PPM1L: variants seen among roughly 807,000 people sequenced by gnomAD.
PPM1L encodes the protein protein phosphatase 1L.
In PPM1L, 13 loss-of-function variants were observed where a neutral mutation model predicts 31.4. That is an observed-to-expected ratio of 0.41 (90% CI 0.27 to 0.66). The LOEUF is 0.66. PPM1L is among the 30% of genes least tolerant of loss of function. The pLI is 0.29. For synonymous variants in PPM1L, 184 were observed against 175.4 expected (o/e 1.05, Z -0.39); for missense variants, 326 against 453.7 (o/e 0.72, Z 2.56).
intron 1 of PPM1L, among the ~76,000 whole-genome samples, chr3:160,881,372 G>A (rs1453338759): frequency 5.3e-5 from 8 of 152,274 alleles, no homozygotes; most frequent in Non-Finnish European, 8.8e-5. Flanking sequence ...TGTATTGTCA[G>A]TTTCTGGAAA....
chr3:160,770,245 T>C (rs953176261), intron 1 of PPM1L, among the ~76,000 whole-genome samples: 4 of 152,226 alleles, frequency 2.6e-5, no homozygotes, highest in Admixed American at 1.3e-4. Context: ...TTTTTTGTTT[T>C]TGTTTTCTGC....
At chr3:160,884,825 T>G (rs1209603411) in intron 1 of PPM1L, among the ~76,000 whole-genome samples, 2 of 152,224 alleles carry the variant, frequency 1.3e-5, no homozygotes, top group Non-Finnish European at 2.9e-5. Context: ...ATTTCTTTAC[T>G]CATAAACTTC....
At chr3:161,034,197 T>A (rs979641785) in intron 2 of PPM1L, among the ~76,000 whole-genome samples, 6 of 152,170 alleles carry the variant, frequency 3.9e-5, no homozygotes, top group African/African-American at 9.7e-5. Flanking sequence ...AAACAACAGA[T>A]GCTGGAGAGG....
intron 1 of PPM1L, among the ~76,000 whole-genome samples, chr3:160,843,478 T>A (rs1328298655): frequency 3.3e-4 from 38 of 113,562 alleles, no homozygotes; most frequent in East Asian, 6.2e-4. Flanking sequence ...ATGTTTTTTT[T>A]AATTGTACTT....
At chr3:161,065,174 A>T (rs553968671) in intron 2 of PPM1L, among the ~76,000 whole-genome samples, 6 of 152,276 alleles carry the variant, frequency 3.9e-5, no homozygotes, top group Non-Finnish European at 7.4e-5. Flanking sequence ...GGAAAATTAT[A>T]ATGTTATCCT....
intron 2 of PPM1L, among the ~76,000 whole-genome samples, chr3:160,998,602 G>A (rs1717395567): frequency 6.6e-6 from 1 of 152,072 alleles, no homozygotes; most frequent in Non-Finnish European, 1.5e-5. Flanking sequence ...AAGATGTCTA[G>A]GGAGACTTGG....
chr3:161,042,952 G>T (rs1056307266), intron 2 of PPM1L, among the ~76,000 whole-genome samples: 5 of 151,420 alleles, frequency 3.3e-5, no homozygotes, highest in African/African-American at 1.2e-4. Flanking sequence ...CTGAGGACAC[G>T]GAGGTTGCAG....
intron 1 of PPM1L, among the ~76,000 whole-genome samples, chr3:160,794,281 G>A (rs1474947031): frequency 6.6e-6 from 1 of 152,120 alleles, no homozygotes. Flanking sequence ...CCTACTTAAA[G>A]ATGATCACTA....
At chr3:160,826,300 C>G (rs569228794) in intron 1 of PPM1L, among the ~76,000 whole-genome samples, 4 of 152,220 alleles carry the variant, frequency 2.6e-5, no homozygotes, top group Admixed American at 2.6e-4. Flanking sequence ...AGTTTGGGCT[C>G]TAATATGGAA....
intron 2 of PPM1L, among the ~76,000 whole-genome samples, chr3:160,994,331 AGTGGCAGC>A (rs1322347742): frequency 6.6e-6 from 1 of 152,190 alleles, no homozygotes. Context: ...TGCATGGCCC[AGTGGCAGC>A]AGGCTGGGCA....
At position 161,019,068 on chromosome 3, in the gene PPM1L, C is replaced by T. The variant is rs114203756; in HGVS notation, c.575-46335C>T. 7.7e-3 allele frequency among the ~76,000 whole-genome samples: 1,180 copies of T among 152,284 alleles called. 10 individuals are homozygous for T. The highest frequency in any genetic ancestry group is 0.015 in the Admixed American group (226 of 15,302). On this transcript the variant is annotated intron_variant, in intron 2 of 3. Coordinates refer to ENST00000498165, the MANE Select transcript of PPM1L (RefSeq NM_139245.4). ...TATCCACAGAAACCACTTCGGGAAA[C>T]ATTGAACTAGAGGATAAGATTATTT... is the stretch of plus-strand genomic sequence containing the variant.
chr3:160,905,584 T>C (rs887060189), intron 1 of PPM1L, among the ~76,000 whole-genome samples: 21 of 152,210 alleles, frequency 1.4e-4, no homozygotes, highest in African/African-American at 4.1e-4. Flanking sequence ...CATAATATAC[T>C]GATACTTTAT....
chr3:160,932,239 T>C (rs1714811156), intron 1 of PPM1L, among the ~76,000 whole-genome samples: 2 of 152,228 alleles, frequency 1.3e-5, no homozygotes, highest in African/African-American at 2.4e-5. Flanking sequence ...GTATTTCCAC[T>C]GTGATATAAT....
intron 1 of PPM1L, among the ~76,000 whole-genome samples, chr3:160,848,652 C>A (rs1316750313): frequency 6.6e-6 from 1 of 152,170 alleles, no homozygotes; most frequent in Non-Finnish European, 1.5e-5. Flanking sequence ...TGACCATAAT[C>A]CTTAGATTGG....
intron 1 of PPM1L, among the ~76,000 whole-genome samples, chr3:160,925,373 A>G (rs1334961932): frequency 6.6e-6 from 1 of 152,166 alleles, no homozygotes; most frequent in Non-Finnish European, 1.5e-5. Flanking sequence ...GTAAATGGTA[A>G]ATAGATGGAA....
intron 2 of PPM1L, among the ~76,000 whole-genome samples, chr3:161,036,467 T>C (rs1559932552): frequency 6.6e-6 from 1 of 152,166 alleles, no homozygotes; most frequent in Non-Finnish European, 1.5e-5. Flanking sequence ...TATTAGTAGA[T>C]TGATGTGAGG....
chr3:161,065,118 T>C (rs1304251912), intron 2 of PPM1L, among the ~76,000 whole-genome samples: 1 of 152,106 alleles, frequency 6.6e-6, no homozygotes, highest in Non-Finnish European at 1.5e-5. Flanking sequence ...TCCTAATCCT[T>C]TTAAATGTGA....
intron 1 of PPM1L, among the ~76,000 whole-genome samples, chr3:160,791,210 A>C (rs1255228677): frequency 1.3e-5 from 2 of 152,192 alleles, no homozygotes; most frequent in Non-Finnish European, 2.9e-5. Flanking sequence ...TAAAATGAAC[A>C]GTGGGTTTAT....
intron 1 of PPM1L, among the ~76,000 whole-genome samples, chr3:160,883,313 C>T (rs748328182): frequency 6.6e-6 from 1 of 151,978 alleles, no homozygotes; most frequent in Non-Finnish European, 1.5e-5. Context: ...TAGTTGCATT[C>T]CATGATACTT....
Sources: allele counts gnomAD v4.1 joint callset (sites outside exome capture counted in the v4.1 genomes callset), GRCh38; gene constraint gnomAD v4.1.1; transcripts MANE v1.5; gene names NCBI Gene and HGNC (gene_info 2026-07-23, HGNC 2026-07-21).